MICAL2: variants seen among roughly 807,000 people sequenced by gnomAD.
MICAL2 encodes the protein microtubule associated monooxygenase, calponin and LIM domain containing 2, also known as [F-actin]-monooxygenase MICAL2.
In MICAL2, 77 loss-of-function variants were observed where a neutral mutation model predicts 127.3. That is an observed-to-expected ratio of 0.60 (90% confidence interval 0.50 to 0.73). The LOEUF (loss-of-function observed/expected upper bound fraction) is 0.73, where lower values mean the gene tolerates loss of function less well. Among genes scored for constraint, MICAL2 ranks in the 30% least tolerant of loss-of-function variants. The pLI is 0.00. For synonymous variants in MICAL2, 570 were observed against 551.1 expected (o/e 1.03, Z -0.48); for missense variants, 1,351 against 1,434.4 (o/e 0.94, Z 0.94).
In MICAL2 at chr11:12,113,122, A is replaced by G. The variant is rs200429335; in HGVS notation, c.-149+2396A>G. Among the ~76,000 whole-genome samples, 5 of 152,294 alleles carry G rather than the reference A, an allele frequency of 3.3e-5. No individual in the cohort carries two copies. The East Asian group carries it at 9.6e-4, about 29-fold the overall frequency. On this transcript the variant is annotated intron_variant, in intron 1 of 27. Transcript: ENST00000683283. Reference sequence around the variant, plus strand: ...GAGGGCTAACAGTCTCTATTCTTTAAAGAGTCAGAGAAGAGAATACTGTTC... The same window carrying G: ...GAGGGCTAACAGTCTCTATTCTTTAGAGAGTCAGAGAAGAGAATACTGTTC...
rs1863271841 is a variant in MICAL2 at position 12,262,514 on chromosome 11, T to G, written c.3369T>G (p.Leu1123=). 1 of 1,613,750 alleles carries G rather than the reference T, an allele frequency of 6.2e-7. No individual in the cohort carries two copies. The highest frequency in any genetic ancestry group is 1.3e-5 in the African/African-American group (1 of 75,044). ...GCCTTCCAGTGCTACACCCACTTCT[T>G]GGCTGACACACTTCTGCTCTAAGGT... is the stretch of plus-strand genomic sequence containing the variant. ...HFSLPVLHPL[L]G is the part of the protein sequence containing the mutation. Residue 1123 remains leucine (L), a synonymous_variant, in exon 27 of 28, where the codon CTT becomes CTG. Coordinates refer to ENST00000683283, the MANE Select transcript of MICAL2 (RefSeq NM_001282663.2).
In MICAL2 at chr11:12,222,964, T is replaced by A. The variant is rs573289630; in HGVS notation, c.1449+221T>A. On this transcript the variant is annotated intron_variant, in intron 11 of 27. Transcript: ENST00000683283. ...ACATGTAGGGGGAGAGATTTATATG[T>A]ATATGTGCATATATTTATATATATT... Among the ~76,000 whole-genome samples, 5 of 152,340 alleles carry A rather than the reference T, an allele frequency of 3.3e-5. No individual in the cohort carries two copies. The Middle Eastern group carries it at 0.017, about 518-fold the overall frequency.
chr11:12,180,357 T>C (rs2133942890), intron 3 of MICAL2, among the ~76,000 whole-genome samples: 1 of 132,508 alleles, frequency 7.5e-6, no homozygotes, highest in South Asian at 2.4e-4. Context: ...ATATTTTTTT[T>C]TTGGCAGGAA....
intron 16 of MICAL2, among the ~76,000 whole-genome samples, chr11:12,239,056 C>T (rs1859506171): frequency 6.6e-6 from 1 of 152,134 alleles, no homozygotes; most frequent in Admixed American, 6.5e-5. Context: ...TTTTGAAAAC[C>T]ATTTTGTTCA....
At chr11:12,206,866 C>A (rs1854754927) in intron 4 of MICAL2, among the ~76,000 whole-genome samples, 1 of 152,132 alleles carries the variant, frequency 6.6e-6, no homozygotes, top group Non-Finnish European at 1.5e-5. Flanking sequence ...TCCTTTCTAC[C>A]TGCCCCATCA....
At chr11:12,258,981 G>A (rs1862726888) in intron 25 of MICAL2, among the ~76,000 whole-genome samples, 1 of 152,234 alleles carries the variant, frequency 6.6e-6, no homozygotes, top group Non-Finnish European at 1.5e-5. Flanking sequence ...AGTCAACAAA[G>A]TGACCAGCCC....
intron 18 of MICAL2, 123 bp downstream of exon 18, chr11:12,241,285 C>T (rs1859917146): frequency 8.2e-7 from 1 of 1,219,944 alleles, no homozygotes; most frequent in South Asian, 1.5e-5. Context: ...CTGGACACAC[C>T]TTGATGTCAC....
At chr11:12,146,322 A>G (rs1459430144) in intron 2 of MICAL2, among the ~76,000 whole-genome samples, 1 of 152,260 alleles carries the variant, frequency 6.6e-6, no homozygotes, top group African/African-American at 2.4e-5. Flanking sequence ...CTCATCTGAC[A>G]AAGGGCTAAT....
intron 1 of MICAL2, among the ~76,000 whole-genome samples, chr11:12,279,103 G>A (rs1863747227): frequency 6.6e-6 from 1 of 152,184 alleles, no homozygotes; most frequent in East Asian, 1.9e-4. Context: ...GGCAAGTGGA[G>A]AAGGAGCTAG....
intron 3 of MICAL2, among the ~76,000 whole-genome samples, chr11:12,193,173 G>C (rs1417418492): frequency 6.6e-6 from 1 of 152,142 alleles, no homozygotes; most frequent in African/African-American, 2.4e-5. Context: ...TTCAGCACCT[G>C]TCTATAGGGC....
At chr11:12,339,860 G>T (rs886852129) in intron 32 of MICAL2, among the ~76,000 whole-genome samples, 2 of 152,160 alleles carry the variant, frequency 1.3e-5, no homozygotes, top group Admixed American at 6.5e-5. Context: ...GCCCCTACTG[G>T]GGGGTGCCTC....
At chr11:12,200,925 A>G (rs1860638996) in intron 3 of MICAL2, among the ~76,000 whole-genome samples, 1 of 152,054 alleles carries the variant, frequency 6.6e-6, no homozygotes, top group Admixed American at 6.6e-5. Flanking sequence ...TCTTCACCCC[A>G]CATCCTTCTA....
chr11:12,298,487 T>C (rs755788154), intron 29 of MICAL2, among the ~76,000 whole-genome samples: 18 of 152,162 alleles, frequency 1.2e-4, no homozygotes, highest in Non-Finnish European at 2.5e-4. Flanking sequence ...TTATCTTGTC[T>C]CCCTGGTTTC....
At chr11:12,204,000 C>T (rs1342245149) in intron 3 of MICAL2, among the ~76,000 whole-genome samples, 10 of 152,210 alleles carry the variant, frequency 6.6e-5, no homozygotes, top group Admixed American at 2.0e-4. Flanking sequence ...GTGCATCTTA[C>T]TGTGCCTCCT....
chr11:12,281,055 G>A (rs897132107), exon 2 of MICAL2: 3 of 399,032 alleles, frequency 7.5e-6, no homozygotes, highest in African/African-American at 6.2e-5. Flanking sequence ...GCCCTGAGCA[G>A]GGCAGTCTCT....
chr11:12,342,334 A>G (rs1938880240), intron 32 of MICAL2, among the ~76,000 whole-genome samples: 1 of 152,272 alleles, frequency 6.6e-6, no homozygotes, highest in Admixed American at 6.5e-5. Flanking sequence ...CATAGGTACC[A>G]GGTGCTTGTG....
chr11:12,236,259 G>A lies in MICAL2; in HGVS notation c.2064+14G>A. On this transcript the variant is annotated intron_variant, in intron 16 of 27. Coordinates refer to ENST00000683283, the MANE Select transcript of MICAL2 (RefSeq NM_001282663.2). The stretch of plus-strand genomic sequence containing the variant: ...AACCTGGACGAGGTTTGTGTACACA[G>A]TGTGGCTTTAAACAGAGGCTCGTTT... The A allele has an allele frequency of 6.2e-7, 1 of 1,613,560 alleles. No individual in the cohort carries two copies.
At chr11:12,359,320 AGT>A (rs762264566), downstream of MICAL2, among the ~76,000 whole-genome samples, 63 of 107,776 alleles carry the variant, frequency 5.8e-4, no homozygotes, top group South Asian at 2.0e-3. Flanking sequence ...TTTTTAAATA[AGT>A]GTTGATGATG....
At chr11:12,328,177 TAGA>T (rs1864375760) in intron 32 of MICAL2, among the ~76,000 whole-genome samples, 5 of 152,346 alleles carry the variant, frequency 3.3e-5, no homozygotes, top group African/African-American at 1.2e-4. Context: ...TACTATGCAT[TAGA>T]CATTAAAACA....
Sources: allele counts gnomAD v4.1 joint callset (sites outside exome capture counted in the v4.1 genomes callset), GRCh38; gene constraint gnomAD v4.1.1; transcripts MANE v1.5; gene names NCBI Gene and HGNC (gene_info 2026-07-23, HGNC 2026-07-21).